GTF2IRD2B: variants seen among roughly 807,000 people sequenced by gnomAD.
GTF2IRD2B encodes the protein GTF2I repeat domain containing 2B.
A neutral mutation model predicts 55.6 loss-of-function variants in GTF2IRD2B; 10 were observed. The observed-to-expected ratio is 0.18, with a 90% CI of 0.11 to 0.31. GTF2IRD2B has a LOEUF of 0.31. Among genes scored for constraint, GTF2IRD2B ranks in the 10% least tolerant of loss-of-function variants. The pLI is 1.00. For missense variants in GTF2IRD2B, 206 were observed against 802.7 expected (o/e 0.26, Z 8.98); for synonymous variants, 107 against 320.5 (o/e 0.33, Z 7.12).
chr7:75,106,173 C>A (rs1217380586), intron 1 of GTF2IRD2B, among the ~76,000 whole-genome samples: 1 of 152,308 alleles, frequency 6.6e-6, no homozygotes, highest in South Asian at 2.1e-4. Context: ...GAGGCTGAGG[C>A]GGGCAGATCA....
intron 9 of GTF2IRD2B, among the ~76,000 whole-genome samples, chr7:75,133,566 A>C (rs1210815111): frequency 6.8e-6 from 1 of 147,060 alleles, no homozygotes; most frequent in Non-Finnish European, 1.5e-5. Flanking sequence ...TTTTTGAGAC[A>C]GAATCTCACT....
chr7:75,133,586 A>G (rs1225704664), intron 9 of GTF2IRD2B, among the ~76,000 whole-genome samples: 1 of 147,842 alleles, frequency 6.8e-6, no homozygotes, highest in African/African-American at 2.6e-5. Context: ...TCTGTTGCCC[A>G]AGCTGGAGTT....
rs1197200790 is a variant in GTF2IRD2B at position 75,115,550 on chromosome 7, A to G, written c.238+3015A>G. Among the ~76,000 whole-genome samples, 106 of 141,618 alleles carry G rather than the reference A, an allele frequency of 7.5e-4. 2 individuals are homozygous for G. The highest frequency in any genetic ancestry group is 2.7e-3 in the African/African-American group (105 of 38,532). 92.9% of individuals were successfully genotyped at this position (141,618 alleles called of 152,430 possible). On this transcript the variant is annotated intron_variant, in intron 3 of 15. Transcript: ENST00000472837. ...GCCATTCTCCTGCCTCAGCATCCCA[A>G]GTAGCTGGGATTACAGGCACATGCC...
At chr7:75,118,096 A>G (rs1406542012) in intron 3 of GTF2IRD2B, among the ~76,000 whole-genome samples, 2 of 150,914 alleles carry the variant, frequency 1.3e-5, no homozygotes, top group Non-Finnish European at 1.5e-5. Context: ...AAAAAAAGGG[A>G]AAGGAAAAAG....
chr7:75,113,781 GGTGTGTGTGTGTGT>G lies in GTF2IRD2B; in HGVS notation c.238+1269_238+1282del, dbSNP rs71519356. On this transcript the variant is annotated intron_variant, in intron 3 of 15. Transcript: ENST00000472837. ...AGAAAGGTTCGTCAGAGGGTATAAG[GGTGTGTGTGTGTGT>G]GTGTGTGTGTGTGTGTGTGTGTATG... Among the ~76,000 whole-genome samples, 42 of 80,072 alleles carry G rather than the reference GGTGTGTGTGTGTGT, an allele frequency of 5.2e-4. No homozygotes were observed. In the South Asian group the frequency reaches 0.011, roughly 21 times the overall value. The allele number at this position is 80,072 out of a possible 152,430, so 52.5% of individuals were successfully genotyped here. A position where few individuals can be genotyped will look rare whatever the true frequency, so the allele number is the denominator to read the frequency against.
intron 1 of GTF2IRD2B, among the ~76,000 whole-genome samples, chr7:75,105,693 G>T (rs1584525926): frequency 1.3e-5 from 2 of 152,310 alleles, no homozygotes; most frequent in East Asian, 3.8e-4. Flanking sequence ...TGTCTTCAAA[G>T]AATTTTGGTA....
chr7:75,130,091 C>T (rs1483473337), intron 8 of GTF2IRD2B, among the ~76,000 whole-genome samples: 1 of 77,516 alleles, frequency 1.3e-5, no homozygotes, highest in Admixed American at 1.4e-4. Flanking sequence ...AATTTATTTT[C>T]TCTTTCTTTC....
chr7:75,096,991 C>A (rs1428725290), intron 1 of GTF2IRD2B, among the ~76,000 whole-genome samples: 1 of 86,584 alleles, frequency 1.2e-5, no homozygotes, highest in Non-Finnish European at 2.2e-5. Context: ...AAACAAAAAA[C>A]AACAACAAAA....
Position 75,133,523 on chromosome 7 carries a change from A to G in GTF2IRD2B, c.748+311A>G, listed in dbSNP as rs1346931103. Among the ~76,000 whole-genome samples, 24 of 144,264 alleles carry G rather than the reference A, an allele frequency of 1.7e-4. 5 individuals carry two copies. The highest frequency in any genetic ancestry group is 6.3e-4 in the African/African-American group (23 of 36,564). The allele number at this position is 144,264 out of a possible 152,430, so 94.6% of individuals were successfully genotyped here. A position where few individuals can be genotyped will look rare whatever the true frequency, so the allele number is the denominator to read the frequency against. The stretch of plus-strand genomic sequence containing the variant: ...GCTGAGATTATAGGCGTGAGCCACC[A>G]TGCCTGGGCTAAATCCACATACTCT... On this transcript the variant is annotated intron_variant, in intron 9 of 15. Transcript: ENST00000472837.
At chr7:75,101,893 C>CAAAAAAAAAAAAAAAAAAAA (rs1243907524) in intron 1 of GTF2IRD2B, among the ~76,000 whole-genome samples, 1 of 78,422 alleles carries the variant, frequency 1.3e-5, no homozygotes, top group African/African-American at 5.0e-5. Flanking sequence ...GACCCCATCT[C>CAAAAAAAAAAAAAAAAAAAA]AAAAAAAAAA....
At position 75,113,911 on chromosome 7, in the gene GTF2IRD2B, GTAGA is replaced by G. The variant is rs368425900; in HGVS notation, c.238+1383_238+1386del. 3.6e-3 allele frequency among the ~76,000 whole-genome samples: 535 copies of G among 148,136 alleles called. 10 individuals carry two copies. The highest frequency in any genetic ancestry group is 0.012 in the African/African-American group (483 of 40,132). The stretch of plus-strand genomic sequence containing the variant: ...GTGTGTGTATAAGTAGATTAGATAG[GTAGA>G]TAGATAAGAGAGAGGAATTATATAC... On this transcript the variant is annotated intron_variant, in intron 3 of 15. Coordinates refer to ENST00000472837, the MANE Select transcript of GTF2IRD2B (RefSeq NM_001003795.3).
intron 3 of GTF2IRD2B, among the ~76,000 whole-genome samples, chr7:75,115,202 G>A (rs1427490471): frequency 6.9e-6 from 1 of 144,608 alleles, no homozygotes; most frequent in African/African-American, 2.6e-5. Flanking sequence ...CTCCCAAGTA[G>A]CTGAGATCTG....
rs587594406 is a variant in GTF2IRD2B, at chr7:75,114,309, A to AT, written c.238+1777dup. ...GCCAGTTGAATTTCTAATCACTGGA[A>AT]TTTACTTGTAGATTTTTTTAAGATT... On this transcript the variant is annotated intron_variant, in intron 3 of 15. Transcript: ENST00000472837. Among the ~76,000 whole-genome samples, 225 of 151,714 alleles carry AT rather than the reference A, an allele frequency of 1.5e-3. 10 individuals carry two copies. Among genetic ancestry groups the AT allele is most frequent in the African/African-American group, 5.2e-3 (215 of 41,354 alleles).
intron 3 of GTF2IRD2B, among the ~76,000 whole-genome samples, chr7:75,114,010 T>G (rs1366033947): frequency 6.7e-6 from 1 of 149,696 alleles, no homozygotes; most frequent in East Asian, 1.9e-4. Context: ...TATATATATG[T>G]ATGTAGATAG....
chr7:75,105,990 G>A (rs1180936638), intron 1 of GTF2IRD2B, among the ~76,000 whole-genome samples: 8 of 152,310 alleles, frequency 5.3e-5, no homozygotes, highest in Non-Finnish European at 1.0e-4. Context: ...CTCAGTCCAC[G>A]AAAGTCATGT....
rs1228755354 is a variant in GTF2IRD2B at position 75,103,595 on chromosome 7, C to T, written c.-5-5365C>T. Among the ~76,000 whole-genome samples the T allele has an allele frequency of 4.6e-5, 7 of 151,798 alleles. No homozygotes were observed. In the East Asian group the frequency reaches 1.4e-3, roughly 29 times the overall value. ...ACTGTCCCAGGAAGGAACCTCGGGA[C>T]AAGCAAAGAACAGTGAACTTCTGAT... On this transcript the variant is annotated intron_variant, in intron 1 of 15. Transcript: ENST00000472837.
chr7:75,112,085 TACACACAC>T (rs782659655), intron 2 of GTF2IRD2B, among the ~76,000 whole-genome samples: 4 of 24,018 alleles, frequency 1.7e-4, no homozygotes, highest in Admixed American at 6.7e-4. Flanking sequence ...CTACTAAAAA[TACACACAC>T]ACACACACAC....
rs1186568838 is a variant in GTF2IRD2B at position 75,149,641 on chromosome 7, G to A, written c.*344G>A. ...GATCCACCTGCCTCGACCTCACAAA[G>A]TGCTGGGATTACAGGCATGAACCAC... On this transcript the variant is annotated 3_prime_UTR_variant, in exon 16 of 16. Coordinates refer to ENST00000472837, the MANE Select transcript of GTF2IRD2B (RefSeq NM_001003795.3). 1 of 329,194 alleles carries A rather than the reference G, an allele frequency of 3.0e-6. No individual in the cohort carries two copies. Among genetic ancestry groups the A allele is most frequent in the Non-Finnish European group, 5.9e-6 (1 of 168,288 alleles). The allele number at this position is 329,194 out of a possible 1,614,324, so 20.4% of individuals were successfully genotyped here.
intron 4 of GTF2IRD2B, among the ~76,000 whole-genome samples, chr7:75,122,815 A>G (rs1354994214): frequency 6.7e-6 from 1 of 150,108 alleles, no homozygotes; most frequent in Non-Finnish European, 1.5e-5. Flanking sequence ...TGGCAGGCTA[A>G]GGTGGGTAGA....
Sources: gnomAD v4.1 joint callset for allele counts (sites outside exome capture counted in the v4.1 genomes callset) on GRCh38, gnomAD v4.1.1 for gene constraint, MANE v1.5 for transcripts, NCBI Gene and HGNC (gene_info 2026-07-23, HGNC 2026-07-21) for gene names.